Variants in PTPRZ1 observed in about 807,000 individuals in gnomAD.
The protein encoded by PTPRZ1 is protein tyrosine phosphatase receptor type Z1.
Under a neutral mutation model 214.1 loss-of-function variants are expected in PTPRZ1, and 82 were observed. The observed-to-expected ratio is 0.38, with a 90% CI of 0.32 to 0.46. The LOEUF (loss-of-function observed/expected upper bound fraction) is 0.46. Ranked by LOEUF, PTPRZ1 falls within the 20% of genes least tolerant of loss-of-function variation. The pLI, the probability that PTPRZ1 is intolerant of heterozygous loss-of-function variation, is 1.00. For synonymous variants in PTPRZ1, 945 were observed against 987.9 expected (o/e 0.96, Z 0.81); for missense variants, 2,603 against 2,748.7 (o/e 0.95, Z 1.19).
At chr7:122,044,673 A>G (rs1584773401) in intron 23 of PTPRZ1, 105 bp downstream of exon 23, 12 of 1,150,328 alleles carry the variant, frequency 1.0e-5, no homozygotes, top group Non-Finnish European at 1.5e-5. Context: ...TATGGGTACA[A>G]TGACTTTGTA....
At chr7:122,046,357 A>G (rs1171723823) in intron 23 of PTPRZ1, among the ~76,000 whole-genome samples, 2 of 152,182 alleles carry the variant, frequency 1.3e-5, no homozygotes, top group Non-Finnish European at 2.9e-5. Flanking sequence ...ACAGTGAGCT[A>G]TGATTGTGCC....
At chr7:122,060,164 G>T (rs973041955) in intron 29 of PTPRZ1, among the ~76,000 whole-genome samples, 10 of 152,090 alleles carry the variant, frequency 6.6e-5, no homozygotes, top group Admixed American at 1.3e-4. Context: ...GAAGTCATAG[G>T]CTCACCTTCA....
rs542750889 is a variant in PTPRZ1 at position 121,922,439 on chromosome 7, C to G, written c.59-5717C>G. ...GGGCATGGTAGTGCATGCCTGTAAT[C>G]CCAGCTACTCGGGAGGCTGAGGCAG... is the stretch of plus-strand genomic sequence containing the variant. On this transcript the variant is annotated intron_variant, in intron 1 of 29. Transcript: ENST00000393386. Among the ~76,000 whole-genome samples, 36 of 152,188 alleles carry G rather than the reference C, an allele frequency of 2.4e-4. No homozygotes were observed. The South Asian group carries it at 7.3e-3, about 31-fold the overall frequency.
chr7:121,997,119 T>C (rs955259543), intron 9 of PTPRZ1, among the ~76,000 whole-genome samples: 8 of 152,282 alleles, frequency 5.3e-5, no homozygotes, highest in Admixed American at 2.0e-4. Flanking sequence ...ATTCCCTTTG[T>C]GGCCTGAGCA....
At chr7:121,931,591 C>A (rs1237019869) in intron 2 of PTPRZ1, among the ~76,000 whole-genome samples, 1 of 152,042 alleles carries the variant, frequency 6.6e-6, no homozygotes, top group Non-Finnish European at 1.5e-5. Flanking sequence ...CCCAGGGACC[C>A]TATGCATCTT....
chr7:121,978,498 G>A (rs1220073895), intron 6 of PTPRZ1, among the ~76,000 whole-genome samples: 1 of 152,190 alleles, frequency 6.6e-6, no homozygotes, highest in Non-Finnish European at 1.5e-5. Flanking sequence ...GAGAGAATGA[G>A]AGTGTGAGCA....
intron 10 of PTPRZ1, among the ~76,000 whole-genome samples, chr7:122,000,110 A>G (rs961955805): frequency 2.6e-5 from 4 of 152,148 alleles, no homozygotes; most frequent in African/African-American, 4.8e-5. Context: ...ACTTAGGTAG[A>G]TTATTCCCTA....
chr7:121,935,513 G>GTTTGTT (rs775378477), intron 2 of PTPRZ1, among the ~76,000 whole-genome samples: 1 of 150,802 alleles, frequency 6.6e-6, no homozygotes, highest in Non-Finnish European at 1.5e-5. Flanking sequence ...TCGTTTGTTC[G>GTTTGTT]TTTGTTTTTG....
chr7:121,927,002 T>A (rs1042666961), intron 1 of PTPRZ1, among the ~76,000 whole-genome samples: 5 of 152,192 alleles, frequency 3.3e-5, no homozygotes, highest in Admixed American at 6.5e-5. Flanking sequence ...CCTTTTAGTT[T>A]TTATAAAATA....
intron 21 of PTPRZ1, 143 bp downstream of exon 21, chr7:122,041,122 T>C: frequency 1.4e-6 from 1 of 722,654 alleles, no homozygotes; most frequent in East Asian, 3.1e-5. Context: ...TCATAAGTAT[T>C]GATCACTAGG....
At chr7:121,883,063 G>A (rs372233574) in intron 1 of PTPRZ1, among the ~76,000 whole-genome samples, 16 of 152,246 alleles carry the variant, frequency 1.1e-4, no homozygotes, top group African/African-American at 3.1e-4. Context: ...TTGATAACTT[G>A]GAGGGAAGAA....
At chr7:121,918,019 T>C (rs1455259808) in intron 1 of PTPRZ1, among the ~76,000 whole-genome samples, 1 of 149,918 alleles carries the variant, frequency 6.7e-6, no homozygotes, top group Non-Finnish European at 1.5e-5. Flanking sequence ...TTCTTGGGAA[T>C]AAAGGTTTCT....
rs780401762 is a variant in PTPRZ1 at position 122,042,650 on chromosome 7, T to C, written c.5844T>C (p.Ser1948=). The change falls in exon 22 of 30, where the codon AGT becomes AGC. Residue 1948 remains serine (S), a synonymous_variant. Transcript: ENST00000393386. ...GRTGTYIVLD[S]MLQQIQHEGT... ...CAGGCACATATATTGTGCTAGACAG[T>C]ATGTTGCAGCAGATTCAACACGAAG... 6.2e-7 allele frequency: 1 copy of C among 1,613,978 alleles called. No homozygotes were observed. The highest frequency in any genetic ancestry group is 1.1e-5 in the South Asian group (1 of 91,076).
chr7:122,055,186 A>AT lies in PTPRZ1; in HGVS notation c.6528+105dup, dbSNP rs945366863. The AT allele has an allele frequency of 1.4e-5, 15 of 1,039,574 alleles. No individual in the cohort carries two copies. In the Middle Eastern group the frequency reaches 9.5e-4, roughly 66 times the overall value. The allele number at this position is 1,039,574 out of a possible 1,614,324, so 64.4% of individuals were successfully genotyped here. A position where few individuals can be genotyped will look rare whatever the true frequency, so the allele number is the denominator to read the frequency against. On this transcript the variant is annotated intron_variant, in intron 27 of 29. Transcript: ENST00000393386. ...CCTAGAAATGAAAAGCATGATTCTG[A>AT]TTTTTTCCCCATTGAGACAAATACA...
intron 1 of PTPRZ1, among the ~76,000 whole-genome samples, chr7:121,885,597 A>G (rs774800377): frequency 1.3e-5 from 2 of 152,140 alleles, no homozygotes; most frequent in Non-Finnish European, 2.9e-5. Context: ...TTACTTTTTA[A>G]CTATTCAGTA....
chr7:121,942,033 A>C (rs192694924), intron 2 of PTPRZ1, among the ~76,000 whole-genome samples: 13 of 152,186 alleles, frequency 8.5e-5, no homozygotes, highest in Non-Finnish European at 1.8e-4. Context: ...ATCTGGGATC[A>C]TTATCCAAGC....
intron 1 of PTPRZ1, among the ~76,000 whole-genome samples, chr7:121,876,308 T>C (rs1211186197): frequency 2.6e-5 from 4 of 152,174 alleles, no homozygotes; most frequent in Non-Finnish European, 2.9e-5. Flanking sequence ...AGGTAGATAT[T>C]TTAAGAGCTT....
Position 122,039,496 on chromosome 7 carries a change from T to C in PTPRZ1, c.5545T>C (p.Tyr1849His). The C allele has an allele frequency of 6.2e-7, 1 of 1,613,642 alleles. No homozygotes were observed. Among genetic ancestry groups the C allele is most frequent in the Non-Finnish European group, 8.5e-7 (1 of 1,179,892 alleles). Reference protein sequence around the residue: ...QYWPADGSEEYGNFLVTQKSV... With the variant: ...QYWPADGSEEHGNFLVTQKSV... ...CTGGCCTGCCGATGGGAGTGAGGAG[T>C]ACGGGAACTTTCTGGTCACTCAGAA... Residue 1849 changes from tyrosine (Y) to histidine (H), a missense_variant, in exon 20 of 30, where the codon TAC (tyrosine) becomes CAC (histidine). Tyr to His is a moderately conservative substitution (Grantham distance 83). Around this residue, in one of 6 missense-constraint regions of PTPRZ1, gnomAD observed 1,913 missense variants for 1,914.3 expected, o/e 1.00. Coordinates refer to ENST00000393386, the MANE Select transcript of PTPRZ1 (RefSeq NM_002851.3).
In PTPRZ1 at chr7:121,928,228, A is replaced by T. The variant is rs374475147; in HGVS notation, c.124+7A>T. 6.7e-5 allele frequency: 105 copies of T among 1,576,006 alleles called. No homozygotes were observed. Among genetic ancestry groups the T allele is most frequent in the Non-Finnish European group, 5.1e-5 (59 of 1,152,366 alleles). On this transcript the variant is annotated splice_region_variant and intron_variant, in intron 2 of 29. Coordinates refer to ENST00000393386, the MANE Select transcript of PTPRZ1 (RefSeq NM_002851.3). ...ATTGGCTGGTCCTATACAGGTAAAC[A>T]TATTACTTATATAATGAGATTTAGC...
Sources: gnomAD v4.1 joint callset for allele counts (sites outside exome capture counted in the v4.1 genomes callset) on GRCh38, gnomAD v4.1.1 for gene constraint, gnomAD v4.1.1 regional missense constraint, MANE v1.5 for transcripts, NCBI Gene and HGNC (gene_info 2026-07-23, HGNC 2026-07-21) for gene names.